Variants in ACACA observed in about 807,000 individuals in gnomAD.
ACACA encodes acetyl-CoA carboxylase 1.
A neutral mutation model predicts 296.1 loss-of-function variants in ACACA; 103 were observed. The observed-to-expected ratio is 0.35, with a 90% confidence interval of 0.30 to 0.41. ACACA has a LOEUF of 0.41. Among genes scored for constraint, ACACA ranks in the 10% least tolerant of loss-of-function variants. The pLI is 1.00. For synonymous variants in ACACA, 953 were observed against 1,038.6 expected (o/e 0.92, Z 1.58); for missense variants, 1,554 against 2,989.7 (o/e 0.52, Z 11.20).
At chr17:37,349,720 C>G (rs965253572) in intron 1 of ACACA, among the ~76,000 whole-genome samples, 1 of 151,522 alleles carries the variant, frequency 6.6e-6, no homozygotes, top group Non-Finnish European at 1.5e-5. Flanking sequence ...CTTCACCCAG[C>G]TAGTTTTTTT....
chr17:37,282,769 A>G (rs1348438312), intron 5 of ACACA, among the ~76,000 whole-genome samples: 1 of 152,246 alleles, frequency 6.6e-6, no homozygotes, highest in Non-Finnish European at 1.5e-5. Flanking sequence ...ATCTACAACT[A>G]TCAGACAGAG....
intron 25 of ACACA, among the ~76,000 whole-genome samples, chr17:37,229,956 A>C (rs898692339): frequency 1.3e-5 from 2 of 151,954 alleles, no homozygotes; most frequent in African/African-American, 4.8e-5. Flanking sequence ...AATCCCAGCT[A>C]CTTGGGAGGC....
intron 25 of ACACA, among the ~76,000 whole-genome samples, chr17:37,229,143 CAAA>C (rs11454831): frequency 5.7e-5 from 6 of 106,192 alleles, no homozygotes; most frequent in African/African-American, 6.2e-5. Flanking sequence ...GACTCCGTCT[CAAA>C]AAAAAAAAAA....
At chr17:37,366,306 T>G (rs1297899122) in intron 1 of ACACA, among the ~76,000 whole-genome samples, 1 of 152,172 alleles carries the variant, frequency 6.6e-6, no homozygotes, top group African/African-American at 2.4e-5. Context: ...TGTTATTATA[T>G]ATGAAACACA....
chr17:37,274,770 A>G (rs2082205784), intron 8 of ACACA: 2 of 585,204 alleles, frequency 3.4e-6, no homozygotes, highest in South Asian at 7.6e-5. Flanking sequence ...GTACTCAGCC[A>G]TAAGGGGAAC....
At chr17:37,359,203 A>C (rs1025948393) in intron 1 of ACACA, 13 of 914,386 alleles carry the variant, frequency 1.4e-5, no homozygotes, top group South Asian at 5.0e-5. Context: ...GGCGAGCTCC[A>C]TGAGGTGACT....
At chr17:37,182,725 T>G (rs2077372561) in intron 39 of ACACA, among the ~76,000 whole-genome samples, 1 of 152,180 alleles carries the variant, frequency 6.6e-6, no homozygotes. Flanking sequence ...ACCTACAAAA[T>G]AAGCACAAGT....
At chr17:37,294,496 T>G (rs1174943992) in intron 3 of ACACA, among the ~76,000 whole-genome samples, 1 of 152,192 alleles carries the variant, frequency 6.6e-6, no homozygotes, top group East Asian at 1.9e-4. Context: ...ATTCAATCGC[T>G]TTTAACTGGG....
At chr17:37,247,057 AG>A (rs2080742766) in intron 18 of ACACA, 81 bp from the exon 19 acceptor site, 1 of 1,541,774 alleles carries the variant, frequency 6.5e-7, no homozygotes, top group South Asian at 1.1e-5. Flanking sequence ...CAACCTTCAA[AG>A]AAAAAAAATC....
chr17:37,393,894 A>G (rs1216644257), intron 1 of ACACA, among the ~76,000 whole-genome samples: 10 of 152,066 alleles, frequency 6.6e-5, no homozygotes, highest in Non-Finnish European at 1.2e-4. Flanking sequence ...AATCAAAATT[A>G]TTTTGCTTTG....
At chr17:37,174,015 TATATA>T (rs1195400098) in intron 41 of ACACA, among the ~76,000 whole-genome samples, 28 of 21,050 alleles carry the variant, frequency 1.3e-3, no homozygotes, top group South Asian at 2.3e-3. Context: ...TATATATATA[TATATA>T]TTTTTTTTTT....
chr17:37,263,614 G>C (rs1567905380), intron 11 of ACACA, 71 bp downstream of exon 11: 1 of 1,296,822 alleles, frequency 7.7e-7, no homozygotes, highest in Non-Finnish European at 1.1e-6. Flanking sequence ...ATTGTTCTCA[G>C]ATTGGTACAT....
intron 3 of ACACA, among the ~76,000 whole-genome samples, chr17:37,315,119 C>T (rs776364006): frequency 6.6e-6 from 1 of 151,938 alleles, no homozygotes; most frequent in African/African-American, 2.4e-5. Context: ...CCACCACGCC[C>T]AACTAATTTT....
At chr17:37,338,272 G>A (rs2048225188) in intron 2 of ACACA, among the ~76,000 whole-genome samples, 1 of 146,540 alleles carries the variant, frequency 6.8e-6, no homozygotes, top group African/African-American at 2.5e-5. Context: ...AAAATTTGCT[G>A]TCTAAATTTA....
At chr17:37,109,342 T>C (rs1009838635) in intron 52 of ACACA, among the ~76,000 whole-genome samples, 5 of 152,252 alleles carry the variant, frequency 3.3e-5, no homozygotes, top group African/African-American at 9.6e-5. Context: ...AAGATAATGA[T>C]GCAATGAAGT....
intron 10 of ACACA, among the ~76,000 whole-genome samples, chr17:37,265,664 G>T (rs1275939302): frequency 6.6e-6 from 1 of 152,110 alleles, no homozygotes; most frequent in African/African-American, 2.4e-5. Flanking sequence ...ATCCAGATAG[G>T]TACATGCTGT....
At chr17:37,208,013 C>T (rs2078584552) in intron 30 of ACACA, among the ~76,000 whole-genome samples, 1 of 152,136 alleles carries the variant, frequency 6.6e-6, no homozygotes. Context: ...ATATTTTCAT[C>T]ACTCCAAAAT....
chr17:37,269,549 T>C (rs2081973541), intron 10 of ACACA, among the ~76,000 whole-genome samples: 1 of 152,132 alleles, frequency 6.6e-6, no homozygotes, highest in South Asian at 2.1e-4. Flanking sequence ...GTACTGAAAG[T>C]GAAAAACAAT....
intron 11 of ACACA, 123 bp from the exon 12 acceptor site, chr17:37,259,653 G>A (rs2081357631): frequency 2.0e-6 from 2 of 997,502 alleles, no homozygotes; most frequent in Admixed American, 3.7e-5. Context: ...TTAGCCACAT[G>A]AGAGCACATT....
Sources: allele counts gnomAD v4.1 joint callset (sites outside exome capture counted in the v4.1 genomes callset), GRCh38; gene constraint gnomAD v4.1.1; transcripts MANE v1.5; gene names NCBI Gene and HGNC (gene_info 2026-07-23, HGNC 2026-07-21).